FLACC1: variants seen among roughly 807,000 people sequenced by gnomAD.
The protein encoded by FLACC1 is flagellum associated containing coiled-coil domains 1.
In FLACC1, 66 loss-of-function variants were observed where a neutral mutation model predicts 62.8. That is an observed-to-expected ratio of 1.05 (90% CI 0.86 to 1.29). The LOEUF is 1.29. Among genes scored for constraint, FLACC1 ranks in the 50% most tolerant of loss-of-function variants. FLACC1 has a pLI of 0.00. For missense variants in FLACC1, 452 were observed against 489.1 expected, an observed-to-expected ratio of 0.92 and a Z score of 0.71; for synonymous variants, 156 against 161.0, an observed-to-expected ratio of 0.97 and a Z score of 0.24.
At chr2:201,327,609 G>A (rs1238313961) in intron 9 of FLACC1, among the ~76,000 whole-genome samples, 1 of 152,076 alleles carries the variant, frequency 6.6e-6, no homozygotes, top group Non-Finnish European at 1.5e-5. Flanking sequence ...ACCACAATGA[G>A]ATACCACCTT....
chr2:201,342,450 T>C lies in FLACC1; in HGVS notation c.463-19A>G. The C allele has an allele frequency of 6.2e-7, 1 of 1,613,810 alleles. No individual in the cohort carries two copies. Among genetic ancestry groups the C allele is most frequent in the Non-Finnish European group, 8.5e-7 (1 of 1,179,710 alleles). ...TGGAGAGCTGGAAACAAAATCAGCA[T>C]CTACAACACAGGACTGAGGACCCTG... On this transcript the variant is annotated intron_variant, in intron 6 of 14. Coordinates refer to ENST00000392257, the MANE Select transcript of FLACC1 (RefSeq NM_001127391.3).
In FLACC1 at chr2:201,336,408, A is replaced by G. The variant is rs528868700; in HGVS notation, c.525-5575T>C. On this transcript the variant is annotated intron_variant, in intron 7 of 14. Coordinates refer to ENST00000392257, the MANE Select transcript of FLACC1 (RefSeq NM_001127391.3). Reference sequence around the variant, plus strand: ...CCACATTTTCTTTATCCAGTCCACCACTGATGGGCATCTAAGTTGATCCAT... The same window carrying G: ...CCACATTTTCTTTATCCAGTCCACCGCTGATGGGCATCTAAGTTGATCCAT... Among the ~76,000 whole-genome samples the G allele has an allele frequency of 5.9e-5, 9 of 152,260 alleles. No homozygotes were observed. The South Asian group carries it at 1.4e-3, about 25-fold the overall frequency.
At chr2:201,291,694 G>A (rs1020757426) in intron 12 of FLACC1, among the ~76,000 whole-genome samples, 3 of 152,220 alleles carry the variant, frequency 2.0e-5, no homozygotes, top group Non-Finnish European at 4.4e-5. Flanking sequence ...TTGACGAGTT[G>A]AGAGAAGAAG....
intron 12 of FLACC1, among the ~76,000 whole-genome samples, chr2:201,296,919 AAGG>A (rs1949877860): frequency 6.6e-6 from 1 of 152,178 alleles, no homozygotes; most frequent in African/African-American, 2.4e-5. Context: ...CAACGGAACT[AAGG>A]AGGAGAATAC....
At chr2:201,345,482 G>GTA in intron 5 of FLACC1, among the ~76,000 whole-genome samples, 1 of 146,698 alleles carries the variant, frequency 6.8e-6, no homozygotes, top group South Asian at 2.1e-4. Flanking sequence ...GTGTGTGTGT[G>GTA]TGTATGTGTG....
At chr2:201,325,978 T>C (rs1950493792) in intron 9 of FLACC1, among the ~76,000 whole-genome samples, 1 of 151,990 alleles carries the variant, frequency 6.6e-6, no homozygotes, top group Non-Finnish European at 1.5e-5. Context: ...ATAATTCAAG[T>C]GGATTTTGTC....
chr2:201,338,183 T>C (rs747985144), intron 7 of FLACC1, among the ~76,000 whole-genome samples: 2 of 152,246 alleles, frequency 1.3e-5, no homozygotes, highest in Non-Finnish European at 2.9e-5. Flanking sequence ...GTTATTGCCT[T>C]ATTGATTTCT....
intron 7 of FLACC1, among the ~76,000 whole-genome samples, chr2:201,331,804 A>G (rs933638774): frequency 2.0e-5 from 3 of 152,230 alleles, no homozygotes; most frequent in African/African-American, 7.2e-5. Context: ...ACATTTGTCC[A>G]AACTCATTGA....
chr2:201,302,495 C>T (rs942072824), intron 11 of FLACC1, among the ~76,000 whole-genome samples: 3 of 152,100 alleles, frequency 2.0e-5, no homozygotes, highest in Non-Finnish European at 4.4e-5. Context: ...GACTTTAATA[C>T]CCCACTGTCA....
At chr2:201,353,589 T>C (rs1951067386) in intron 1 of FLACC1, among the ~76,000 whole-genome samples, 1 of 152,182 alleles carries the variant, frequency 6.6e-6, no homozygotes, top group South Asian at 2.1e-4. Flanking sequence ...TCTTTTCTTC[T>C]TTTCTTTTCT....
At chr2:201,348,596 T>A (rs573447223) in intron 3 of FLACC1, among the ~76,000 whole-genome samples, 1 of 152,132 alleles carries the variant, frequency 6.6e-6, no homozygotes, top group East Asian at 1.9e-4. Flanking sequence ...ATATTCTCCC[T>A]GAGTCAAGGC....
chr2:201,299,134 T>G, intron 12 of FLACC1, 104 bp downstream of exon 12: 2 of 1,130,656 alleles, frequency 1.8e-6, no homozygotes, highest in Non-Finnish European at 2.6e-6. Flanking sequence ...CATTTCTTAT[T>G]GGCTTTGGGG....
chr2:201,311,947 T>A (rs1950225059), intron 9 of FLACC1, among the ~76,000 whole-genome samples: 1 of 152,110 alleles, frequency 6.6e-6, no homozygotes, highest in African/African-American at 2.4e-5. Context: ...ATAAGAGCCA[T>A]CTATGACAAA....
chr2:201,346,478 T>C lies in FLACC1; in HGVS notation c.368+64A>G. 6.3e-7 allele frequency: 1 copy of C among 1,596,902 alleles called. No individual in the cohort carries two copies. The highest frequency in any genetic ancestry group is 8.5e-7 in the Non-Finnish European group (1 of 1,175,636). On this transcript the variant is annotated intron_variant, in intron 5 of 14. Coordinates refer to ENST00000392257, the MANE Select transcript of FLACC1 (RefSeq NM_001127391.3). This position sits in a 1 kb window ranked among gnomAD's most constrained non-coding sequence, Gnocchi z 4.0. Reference sequence around the variant, plus strand: ...GGGCATAGCGGCTTTGGCTTGTCCCTGAGGCCGGGCTGAGCTGGGTGGGAG... The same window carrying C: ...GGGCATAGCGGCTTTGGCTTGTCCCCGAGGCCGGGCTGAGCTGGGTGGGAG...
chr2:201,307,474 C>T, intron 11 of FLACC1, 45 bp downstream of exon 11: 1 of 1,454,700 alleles, frequency 6.9e-7, no homozygotes, highest in Non-Finnish European at 9.7e-7. Flanking sequence ...GGGTGTACCA[C>T]CTGGACTACC....
At chr2:201,310,013 C>A (rs1045903721) in intron 9 of FLACC1, among the ~76,000 whole-genome samples, 1 of 151,168 alleles carries the variant, frequency 6.6e-6, no homozygotes, top group Non-Finnish European at 1.5e-5. Flanking sequence ...TTTTTCTCAG[C>A]AAATCTAACT....
the FLACC1 span, among the ~76,000 whole-genome samples, chr2:201,363,462 C>T: frequency 6.6e-5 from 10 of 151,730 alleles, no homozygotes; most frequent in South Asian, 2.1e-4. Context: ...TGCACTTGCT[C>T]ATCTGGTTCA....
intron 11 of FLACC1, among the ~76,000 whole-genome samples, chr2:201,307,248 G>C (rs1950125369): frequency 6.6e-6 from 1 of 152,196 alleles, no homozygotes; most frequent in Admixed American, 6.5e-5. Context: ...AGGAATTTCA[G>C]TTTCTGCATG....
chr2:201,328,907 T>C (rs1384783721), intron 9 of FLACC1, among the ~76,000 whole-genome samples: 1 of 152,212 alleles, frequency 6.6e-6, no homozygotes, highest in Non-Finnish European at 1.5e-5. Context: ...TCACTTCTTT[T>C]TTTAATGTCA....
Sources: gnomAD v4.1 joint callset for allele counts (sites outside exome capture counted in the v4.1 genomes callset) on GRCh38, gnomAD v4.1.1 for gene constraint, Gnocchi (gnomAD v3.1) non-coding constraint, MANE v1.5 for transcripts, NCBI Gene and HGNC (gene_info 2026-07-23, HGNC 2026-07-21) for gene names.